Variants in ADGRB3 observed in about 807,000 individuals in gnomAD.
The protein encoded by ADGRB3 is brain-specific angiogenesis inhibitor 3.
ADGRB3 carries 37 observed loss-of-function variants against 193.4 expected under a neutral mutation model. That is an observed-to-expected ratio of 0.19 (90% CI 0.15 to 0.25). The LOEUF (loss-of-function observed/expected upper bound fraction) is 0.25, where lower values mean the gene tolerates loss of function less well. ADGRB3 is among the 10% of genes least tolerant of loss of function. The probability of loss-of-function intolerance (pLI) is 1.00; values close to 1 mark genes in which losing one functional copy is unlikely to be tolerated. For synonymous variants in ADGRB3, 690 were observed against 644.2 expected (o/e 1.07, Z -1.08); for missense variants, 1,637 against 1,852.9 (o/e 0.88, Z 2.14).
intron 3 of ADGRB3, among the ~76,000 whole-genome samples, chr6:68,675,883 G>A (rs1268520865): frequency 6.6e-6 from 1 of 152,126 alleles, no homozygotes; most frequent in Non-Finnish European, 1.5e-5. Context: ...AACCCCAAAT[G>A]AGTAGAAATT....
chr6:69,205,503 C>T (rs979123375), intron 17 of ADGRB3, among the ~76,000 whole-genome samples: 1 of 151,568 alleles, frequency 6.6e-6, no homozygotes, highest in African/African-American at 2.4e-5. Flanking sequence ...TCTATACCTA[C>T]ATCAGAATAC....
Position 69,038,759 on chromosome 6 carries a change from CA to C in ADGRB3, c.2108-9422del, listed in dbSNP as rs570625420. 8.9e-4 allele frequency among the ~76,000 whole-genome samples: 135 copies of C among 152,122 alleles called. 1 individual carries two copies. The highest frequency in any genetic ancestry group is 3.0e-3 in the African/African-American group (126 of 41,528). ...ATTCAATAGATAACAAAATAAGTGA[CA>C]AAACTAAGAAGTCTTAAATGATATT... On this transcript the variant is annotated intron_variant, in intron 13 of 31. Coordinates refer to ENST00000370598, the MANE Select transcript of ADGRB3 (RefSeq NM_001704.3).
chr6:68,709,976 C>A (rs920701426), intron 3 of ADGRB3, among the ~76,000 whole-genome samples: 9 of 152,166 alleles, frequency 5.9e-5, no homozygotes, highest in African/African-American at 2.2e-4. Flanking sequence ...TTCTTTAAAT[C>A]TTACTTTAAA....
intron 11 of ADGRB3, among the ~76,000 whole-genome samples, chr6:69,004,832 A>G (rs1298727320): frequency 6.6e-6 from 1 of 152,144 alleles, no homozygotes; most frequent in Non-Finnish European, 1.5e-5. Context: ...TAGTGAGCCT[A>G]TAACAAGGAA....
Position 68,875,884 on chromosome 6 carries a change from A to G in ADGRB3, c.758-54675A>G, listed in dbSNP as rs1022779217. Among the ~76,000 whole-genome samples the G allele has an allele frequency of 1.1e-4, 17 of 151,744 alleles. 1 individual carries two copies. The highest frequency in any genetic ancestry group is 9.8e-4 in the Admixed American group (15 of 15,238). On this transcript the variant is annotated intron_variant, in intron 3 of 31. Transcript: ENST00000370598. ...AGGAGAAAGCCTATTAATGTATACCATATTTCCCCCATATGATTATAAGTG... is the reference window on the plus strand; with the variant it reads ...AGGAGAAAGCCTATTAATGTATACCGTATTTCCCCCATATGATTATAAGTG...
chr6:68,986,891 C>A (rs1362130561), intron 10 of ADGRB3, among the ~76,000 whole-genome samples: 1 of 151,996 alleles, frequency 6.6e-6, no homozygotes, highest in African/African-American at 2.4e-5. Context: ...CTGTGGCTGG[C>A]AGTAGGAGGC....
intron 17 of ADGRB3, among the ~76,000 whole-genome samples, chr6:69,097,665 T>C (rs905724417): frequency 2.0e-5 from 3 of 151,680 alleles, no homozygotes; most frequent in African/African-American, 7.2e-5. Flanking sequence ...TATACATATA[T>C]GTATGTCTCT....
intron 13 of ADGRB3, among the ~76,000 whole-genome samples, chr6:69,039,603 A>G (rs1770969619): frequency 6.6e-6 from 1 of 152,230 alleles, no homozygotes. Context: ...GAGGCTCTCT[A>G]CAATAAAAAT....
At chr6:68,986,061 A>G (rs1769064068) in intron 10 of ADGRB3, among the ~76,000 whole-genome samples, 1 of 152,138 alleles carries the variant, frequency 6.6e-6, no homozygotes, top group South Asian at 2.1e-4. Flanking sequence ...AGTTTTGTCA[A>G]ATTCTAGCCA....
At chr6:69,212,332 G>C (rs1400478453) in intron 17 of ADGRB3, among the ~76,000 whole-genome samples, 1 of 152,068 alleles carries the variant, frequency 6.6e-6, no homozygotes, top group African/African-American at 2.4e-5. Context: ...AGTTCAATTA[G>C]CCTGAAATAG....
At chr6:68,794,972 A>G (rs1442627406) in intron 3 of ADGRB3, among the ~76,000 whole-genome samples, 1 of 152,056 alleles carries the variant, frequency 6.6e-6, no homozygotes, top group African/African-American at 2.4e-5. Context: ...TTCTATATAA[A>G]TTTTTATAAA....
chr6:69,077,344 A>T (rs1296950253), intron 17 of ADGRB3, among the ~76,000 whole-genome samples: 2 of 151,332 alleles, frequency 1.3e-5, no homozygotes, highest in East Asian at 3.8e-4. Flanking sequence ...ATAAAAATCT[A>T]GTTGAATGTT....
intron 3 of ADGRB3, among the ~76,000 whole-genome samples, chr6:68,814,693 T>C (rs1767593151): frequency 6.6e-6 from 1 of 152,126 alleles, no homozygotes; most frequent in Admixed American, 6.6e-5. Context: ...AACAAGAGAA[T>C]TTTAGACCAA....
intron 20 of ADGRB3, among the ~76,000 whole-genome samples, chr6:69,299,295 G>A (rs1201686300): frequency 1.3e-5 from 2 of 151,592 alleles, no homozygotes; most frequent in African/African-American, 2.4e-5. Flanking sequence ...AGTTGTTTGA[G>A]TTCCTTATAC....
At chr6:68,745,900 T>C (rs2127344586) in intron 3 of ADGRB3, among the ~76,000 whole-genome samples, 1 of 152,166 alleles carries the variant, frequency 6.6e-6, no homozygotes, top group Non-Finnish European at 1.5e-5. Context: ...GTAATAATGA[T>C]ACTGTTGATG....
intron 17 of ADGRB3, among the ~76,000 whole-genome samples, chr6:69,122,614 T>C (rs535124055): frequency 3.9e-5 from 6 of 152,138 alleles, no homozygotes; most frequent in African/African-American, 1.4e-4. Context: ...TATAGAAGTC[T>C]GCAGATAAGT....
At chr6:69,282,554 C>T (rs533052018) in intron 20 of ADGRB3, among the ~76,000 whole-genome samples, 35 of 152,184 alleles carry the variant, frequency 2.3e-4, no homozygotes, top group African/African-American at 7.9e-4. Flanking sequence ...ACTTATAGGA[C>T]TTATGTCAAA....
At chr6:69,012,319 GC>G (rs1385334522) in intron 11 of ADGRB3, among the ~76,000 whole-genome samples, 1 of 151,970 alleles carries the variant, frequency 6.6e-6, no homozygotes, top group African/African-American at 2.4e-5. Context: ...ATGAAAGCTG[GC>G]AGGGGTTAGA....
intron 17 of ADGRB3, among the ~76,000 whole-genome samples, chr6:69,131,530 T>C (rs1348322979): frequency 1.3e-5 from 2 of 152,096 alleles, no homozygotes; most frequent in Non-Finnish European, 2.9e-5. Flanking sequence ...CAGTTTCAAG[T>C]GGCAAATACT....
Sources: allele counts gnomAD v4.1 joint callset (sites outside exome capture counted in the v4.1 genomes callset), GRCh38; gene constraint gnomAD v4.1.1; transcripts MANE v1.5; gene names NCBI Gene and HGNC (gene_info 2026-07-23, HGNC 2026-07-21).